Variants in PPP2R2B observed in about 807,000 individuals in gnomAD.
PPP2R2B encodes protein phosphatase 2 regulatory subunit Bbeta.
A neutral mutation model predicts 46.0 loss-of-function variants in PPP2R2B; 5 were observed. That is an observed-to-expected ratio of 0.11 (90% CI 0.06 to 0.23). PPP2R2B has a LOEUF of 0.23. Among genes scored for constraint, PPP2R2B ranks in the 10% least tolerant of loss-of-function variants. PPP2R2B has a pLI of 1.00. For synonymous variants in PPP2R2B, 215 were observed against 206.7 expected (o/e 1.04, Z -0.34); for missense variants, 367 against 575.0 (o/e 0.64, Z 3.70).
At position 146,809,814 on chromosome 5, in the gene PPP2R2B, T is replaced by C. The variant is rs115687796; in HGVS notation, c.70+68188A>G. Among the ~76,000 whole-genome samples, 834 of 152,306 alleles carry C rather than the reference T, an allele frequency of 5.5e-3. 8 individuals are homozygous for C. Among genetic ancestry groups the C allele is most frequent in the African/African-American group, 0.019 (799 of 41,560 alleles). ...AAAGTGTGAAGAATGGATTGGAGGT[T>C]ACATGGAGCAGAGAGTGGAAGCAGG... On this transcript the variant is annotated intron_variant, in intron 2 of 9. Coordinates refer to ENST00000394411, the MANE Select transcript of PPP2R2B (RefSeq NM_181675.4).
intron 1 of PPP2R2B, among the ~76,000 whole-genome samples, chr5:146,961,369 G>A (rs1752164890): frequency 6.6e-6 from 1 of 152,114 alleles, no homozygotes; most frequent in South Asian, 2.1e-4. Context: ...TAATGCCTGG[G>A]CTACATGCTG....
intron 1 of PPP2R2B, among the ~76,000 whole-genome samples, chr5:147,041,720 C>A (rs1024077722): frequency 1.3e-5 from 2 of 152,114 alleles, no homozygotes; most frequent in African/African-American, 4.8e-5. Flanking sequence ...GTCCCCAGAT[C>A]TTCATTTTCT....
At chr5:146,947,934 C>G (rs1319011347) in intron 1 of PPP2R2B, among the ~76,000 whole-genome samples, 1 of 151,730 alleles carries the variant, frequency 6.6e-6, no homozygotes, top group Non-Finnish European at 1.5e-5. Context: ...CAATCACCTT[C>G]TCTGTAAAGG....
intron 2 of PPP2R2B, among the ~76,000 whole-genome samples, chr5:146,713,783 A>AG (rs1367218643): frequency 3.3e-5 from 5 of 152,210 alleles, no homozygotes; most frequent in African/African-American, 1.2e-4. Flanking sequence ...CTGGCATGTT[A>AG]GAGTTGCCAT....
At chr5:146,698,213 C>T in intron 3 of PPP2R2B, 69 bp from the exon 4 acceptor site, 2 of 1,335,310 alleles carry the variant, frequency 1.5e-6, no homozygotes, top group East Asian at 3.0e-5. Context: ...CGCCAACTCC[C>T]TTTTTTTTCC....
intron 2 of PPP2R2B, among the ~76,000 whole-genome samples, chr5:146,824,806 C>T (rs1020970436): frequency 6.6e-6 from 1 of 151,256 alleles, no homozygotes; most frequent in African/African-American, 2.4e-5. Context: ...TAACCTCTGC[C>T]TCCTGGGTTC....
chr5:146,701,648 C>T (rs993393098), intron 2 of PPP2R2B, among the ~76,000 whole-genome samples: 1 of 152,136 alleles, frequency 6.6e-6, no homozygotes, highest in African/African-American at 2.4e-5. Context: ...CTCTGCCAGT[C>T]GATAATTCAA....
chr5:146,900,543 TTTCC>T (rs1392223445), intron 1 of PPP2R2B, among the ~76,000 whole-genome samples: 1 of 80,552 alleles, frequency 1.2e-5, no homozygotes, highest in Non-Finnish European at 2.2e-5. Flanking sequence ...TTCCTTTCTT[TTTCC>T]TTCCTTTCTT....
At chr5:146,671,864 A>G (rs1282181367) in intron 5 of PPP2R2B, among the ~76,000 whole-genome samples, 1 of 152,220 alleles carries the variant, frequency 6.6e-6, no homozygotes, top group African/African-American at 2.4e-5. Flanking sequence ...GGGTGGTCTC[A>G]TTAACTTCTG....
intron 2 of PPP2R2B, among the ~76,000 whole-genome samples, chr5:146,715,853 C>T (rs975221459): frequency 3.3e-5 from 5 of 152,006 alleles, no homozygotes; most frequent in Admixed American, 3.3e-4. Context: ...ATCTTTCACT[C>T]ACAGTTGTAG....
chr5:146,727,286 G>GACTT (rs1751935011), intron 2 of PPP2R2B, among the ~76,000 whole-genome samples: 5 of 149,350 alleles, frequency 3.3e-5, no homozygotes, highest in Admixed American at 3.3e-4. Context: ...GTCTTAAAGG[G>GACTT]TAGGATTATG....
At chr5:146,813,104 C>T (rs933647924) in intron 2 of PPP2R2B, among the ~76,000 whole-genome samples, 4 of 150,866 alleles carry the variant, frequency 2.7e-5, no homozygotes, top group South Asian at 4.2e-4. Flanking sequence ...TCTACATATA[C>T]ATATACTATG....
At chr5:146,960,893 T>C (rs1752141023) in intron 1 of PPP2R2B, among the ~76,000 whole-genome samples, 1 of 152,184 alleles carries the variant, frequency 6.6e-6, no homozygotes, top group Non-Finnish European at 1.5e-5. Flanking sequence ...ATTTATATGA[T>C]TTATAAAACC....
chr5:146,943,156 T>C (rs1764376001), intron 1 of PPP2R2B, among the ~76,000 whole-genome samples: 1 of 152,136 alleles, frequency 6.6e-6, no homozygotes, highest in African/African-American at 2.4e-5. Flanking sequence ...TTCTGACCCA[T>C]CCACACATGT....
intron 2 of PPP2R2B, among the ~76,000 whole-genome samples, chr5:146,786,897 G>A (rs902539466): frequency 2.0e-5 from 3 of 152,112 alleles, no homozygotes; most frequent in African/African-American, 4.8e-5. Flanking sequence ...TCTTTATAAC[G>A]AAGCTAACAA....
chr5:146,893,060 G>T (rs1216871207), intron 1 of PPP2R2B, among the ~76,000 whole-genome samples: 1 of 152,118 alleles, frequency 6.6e-6, no homozygotes, highest in Admixed American at 6.5e-5. Context: ...TCTGAGCTCT[G>T]CACCTGTTGT....
At chr5:146,755,061 T>G (rs1399000200) in intron 2 of PPP2R2B, among the ~76,000 whole-genome samples, 1 of 152,174 alleles carries the variant, frequency 6.6e-6, no homozygotes, top group African/African-American at 2.4e-5. Flanking sequence ...TAAACATAAA[T>G]TTTTAAATAA....
intron 5 of PPP2R2B, among the ~76,000 whole-genome samples, chr5:146,664,536 TCCA>T (rs1242815494): frequency 6.6e-6 from 1 of 151,980 alleles, no homozygotes; most frequent in Non-Finnish European, 1.5e-5. Context: ...TTTTTCTATT[TCCA>T]CCACAACTGC....
chr5:146,903,874 T>C (rs988805285), intron 1 of PPP2R2B, among the ~76,000 whole-genome samples: 9 of 152,176 alleles, frequency 5.9e-5, no homozygotes, highest in Non-Finnish European at 1.2e-4. Flanking sequence ...TACAGGGTAA[T>C]ATGAGCAAAA....
Sources: gnomAD v4.1 joint callset for allele counts (sites outside exome capture counted in the v4.1 genomes callset) on GRCh38, gnomAD v4.1.1 for gene constraint, MANE v1.5 for transcripts, NCBI Gene and HGNC (gene_info 2026-07-23, HGNC 2026-07-21) for gene names.